PAFAH1B1: variants seen among roughly 807,000 people sequenced by gnomAD.
PAFAH1B1 encodes platelet activating factor acetylhydrolase 1b regulatory subunit 1.
Under a neutral mutation model 57.5 loss-of-function variants are expected in PAFAH1B1, and 2 were observed. The observed-to-expected ratio is 0.03, with a 90% CI of 0.01 to 0.11. PAFAH1B1 has a LOEUF of 0.11. Ranked by LOEUF, PAFAH1B1 falls within the 10% of genes least tolerant of loss-of-function variation. The pLI, the probability that PAFAH1B1 is intolerant of heterozygous loss-of-function variation, is 1.00. For missense variants in PAFAH1B1, 257 were observed against 512.0 expected, an observed-to-expected ratio of 0.50 and a Z score of 4.81; for synonymous variants, 152 against 169.6, an observed-to-expected ratio of 0.90 and a Z score of 0.81.
rs1342808139 is a variant in PAFAH1B1 at position 2,683,755 on chromosome 17, C to T, written c.*1953C>T. 1 of 152,590 alleles carries T rather than the reference C, an allele frequency of 6.6e-6. No individual in the cohort carries two copies. The highest frequency in any genetic ancestry group is 2.4e-5 in the African/African-American group (1 of 41,420). 9.5% of individuals were successfully genotyped at this position (152,590 alleles called of 1,614,324 possible). On this transcript the variant is annotated 3_prime_UTR_variant, in exon 11 of 11. Coordinates refer to ENST00000397195, the MANE Select transcript of PAFAH1B1 (RefSeq NM_000430.4). The stretch of plus-strand genomic sequence containing the variant: ...ATTGAAAAGTCTTTTTCCCTTAGCT[C>T]TTCTGACTGGATTTTTCTACAAAAA...
At chr17:2,609,426 G>T (rs745835466) in intron 1 of PAFAH1B1, 1 of 152,134 alleles carries the variant, frequency 6.6e-6, no homozygotes, top group Non-Finnish European at 1.5e-5. Context: ...CTTCTCTATT[G>T]ATGATGTTTC....
rs2068421993 is a variant in PAFAH1B1, at chr17:2,621,605, G to GTTTTTTTTTTTTTTTTTTTTTTTT, written c.-190-16493_-190-16492insTTTTTTTTTTTTTTTTTTTTTTTT. Reference sequence around the variant, plus strand: ...GCTATTCAAGCATGGTAGATAATCTGTCTTTTTTTTTTTTTTTTTTTTTTT... The same window carrying GTTTTTTTTTTTTTTTTTTTTTTTT: ...GCTATTCAAGCATGGTAGATAATCTGTTTTTTTTTTTTTTTTTTTTTTTTTCTTTTTTTTTTTTTTTTTTTTTTT... On this transcript the variant is annotated intron_variant, in intron 1 of 10. Coordinates refer to ENST00000397195, the MANE Select transcript of PAFAH1B1 (RefSeq NM_000430.4). Among the ~76,000 whole-genome samples, 6 of 93,208 alleles carry GTTTTTTTTTTTTTTTTTTTTTTTT rather than the reference G, an allele frequency of 6.4e-5. 1 individual carries two copies. Among genetic ancestry groups the GTTTTTTTTTTTTTTTTTTTTTTTT allele is most frequent in the African/African-American group, 9.4e-5 (2 of 21,296 alleles). The allele number at this position is 93,208 out of a possible 152,430, so 61.1% of individuals were successfully genotyped here. A position where few individuals can be genotyped will look rare whatever the true frequency, so the allele number is the denominator to read the frequency against.
intron 2 of PAFAH1B1, chr17:2,640,613 G>T (rs936967249): frequency 6.6e-6 from 1 of 151,372 alleles, no homozygotes; most frequent in East Asian, 1.9e-4. Flanking sequence ...CACCACACCC[G>T]GCTTATTTTT....
At chr17:2,672,545 G>C in intron 6 of PAFAH1B1, 110 bp from the exon 7 acceptor site, 1 of 753,404 alleles carries the variant, frequency 1.3e-6, no homozygotes, top group East Asian at 2.7e-5. Context: ...AGTGTATTTA[G>C]AACTTGCTTT....
intron 2 of PAFAH1B1, chr17:2,640,389 T>G (rs1044898936): frequency 3.3e-5 from 5 of 151,676 alleles, no homozygotes; most frequent in African/African-American, 4.8e-5. Context: ...TTTTTTTTTT[T>G]TTGACCTTGA....
At chr17:2,665,337 C>CT (rs35673615) in intron 2 of PAFAH1B1, 35 bp from the exon 3 acceptor site, 73 of 1,203,030 alleles carry the variant, frequency 6.1e-5, no homozygotes, top group Non-Finnish European at 7.3e-5. Context: ...GAAATGAGGT[C>CT]TTTTTTTTAG....
In PAFAH1B1 at chr17:2,647,258, G is replaced by C. The variant is rs536597665; in HGVS notation, c.32+8938G>C. Among the ~76,000 whole-genome samples the C allele has an allele frequency of 1.5e-3, 235 of 152,230 alleles. 1 individual carries two copies. The highest frequency in any genetic ancestry group is 5.4e-3 in the African/African-American group (225 of 41,548). On this transcript the variant is annotated intron_variant, in intron 2 of 10. Coordinates refer to ENST00000397195, the MANE Select transcript of PAFAH1B1 (RefSeq NM_000430.4). ...CCAGCTACTTGGGGCGGTGAGGGAGGTGCGAGCTGAGGCACGAGAATTGCT... is the reference window on the plus strand; with the variant it reads ...CCAGCTACTTGGGGCGGTGAGGGAGCTGCGAGCTGAGGCACGAGAATTGCT...
In PAFAH1B1 at chr17:2,621,265, C is replaced by A. The variant is rs193302066; in HGVS notation, c.-190-16834C>A. 5.4e-3 allele frequency among the ~76,000 whole-genome samples: 825 copies of A among 152,236 alleles called. 6 individuals carry two copies. Among genetic ancestry groups the A allele is most frequent in the South Asian group, 0.016 (78 of 4,830 alleles). ...GAAAGGCCCCAGTGTGTGTGGTTTC[C>A]CTCTATGTGTCCACATGTTCTCATC... is the stretch of plus-strand genomic sequence containing the variant. On this transcript the variant is annotated intron_variant, in intron 1 of 10. Coordinates refer to ENST00000397195, the MANE Select transcript of PAFAH1B1 (RefSeq NM_000430.4).
At chr17:2,610,222 A>G (rs2068252322) in intron 1 of PAFAH1B1, among the ~76,000 whole-genome samples, 1 of 152,224 alleles carries the variant, frequency 6.6e-6, no homozygotes, top group Non-Finnish European at 1.5e-5. Flanking sequence ...TGGTCTCTGT[A>G]TTTGATTTGT....
At chr17:2,669,858 C>A (rs569427915) in intron 5 of PAFAH1B1, among the ~76,000 whole-genome samples, 2 of 152,032 alleles carry the variant, frequency 1.3e-5, no homozygotes, top group African/African-American at 4.8e-5. Flanking sequence ...GTCATTCCTG[C>A]TCTGAGACAG....
chr17:2,618,197 C>T (rs1393596213), intron 1 of PAFAH1B1, among the ~76,000 whole-genome samples: 2 of 150,536 alleles, frequency 1.3e-5, no homozygotes, highest in African/African-American at 2.4e-5. Flanking sequence ...TGCAGTGAGC[C>T]GAGATTGCGC....
At chr17:2,610,518 A>G (rs183482011) in intron 1 of PAFAH1B1, among the ~76,000 whole-genome samples, 7 of 152,344 alleles carry the variant, frequency 4.6e-5, no homozygotes, top group Non-Finnish European at 8.8e-5. Flanking sequence ...ACTTGGCACT[A>G]TCAGGCTAGA....
chr17:2,657,945 T>C (rs1251755390), intron 2 of PAFAH1B1, among the ~76,000 whole-genome samples: 1 of 152,244 alleles, frequency 6.6e-6, no homozygotes, highest in Non-Finnish European at 1.5e-5. Context: ...TGTTTCAAAC[T>C]ATTCAATACA....
intron 2 of PAFAH1B1, among the ~76,000 whole-genome samples, chr17:2,638,950 A>C (rs1473146017): frequency 6.6e-6 from 1 of 152,068 alleles, no homozygotes; most frequent in Non-Finnish European, 1.5e-5. Flanking sequence ...CCCAGGCTGG[A>C]GTGCAGTGGC....
intron 7 of PAFAH1B1, among the ~76,000 whole-genome samples, chr17:2,672,995 G>A (rs945695004): frequency 1.3e-5 from 2 of 152,102 alleles, no homozygotes; most frequent in African/African-American, 2.4e-5. Flanking sequence ...TTGAACCTGG[G>A]AGGTGGAGGT....
intron 1 of PAFAH1B1, among the ~76,000 whole-genome samples, chr17:2,627,210 ATTT>A (rs1597532069): frequency 6.6e-6 from 1 of 152,156 alleles, no homozygotes; most frequent in African/African-American, 2.4e-5. Flanking sequence ...ACCTTCTAGA[ATTT>A]TTAGTTTCAG....
intron 1 of PAFAH1B1, among the ~76,000 whole-genome samples, chr17:2,599,045 C>G (rs949473227): frequency 6.6e-6 from 1 of 152,180 alleles, no homozygotes; most frequent in Non-Finnish European, 1.5e-5. Flanking sequence ...CTTGTTGAAA[C>G]TTACCTAGAT....
At chr17:2,677,856 AAAAT>A (rs10639352) in intron 9 of PAFAH1B1, among the ~76,000 whole-genome samples, 63 of 149,964 alleles carry the variant, frequency 4.2e-4, no homozygotes, top group Admixed American at 4.1e-3. Context: ...TCCGCCTCAA[AAAAT>A]AAATAAATAA....
intron 1 of PAFAH1B1, among the ~76,000 whole-genome samples, chr17:2,610,168 T>G (rs1000365763): frequency 6.6e-6 from 1 of 152,224 alleles, no homozygotes; most frequent in Non-Finnish European, 1.5e-5. Flanking sequence ...AGTTCTATCA[T>G]TGGTGTTCTA....
Sources: allele counts gnomAD v4.1 joint callset (sites outside exome capture counted in the v4.1 genomes callset), GRCh38; gene constraint gnomAD v4.1.1; transcripts MANE v1.5; gene names NCBI Gene and HGNC (gene_info 2026-07-23, HGNC 2026-07-21).